Variants in RUNX1 observed in about 807,000 individuals in gnomAD.
The protein encoded by RUNX1 is runt-related transcription factor 1.
In RUNX1, 19 loss-of-function variants were observed where a neutral mutation model predicts 42.8. That is an observed-to-expected ratio of 0.44 (90% confidence interval 0.31 to 0.65). The LOEUF (loss-of-function observed/expected upper bound fraction) is 0.65. RUNX1 is among the 30% of genes least tolerant of loss of function. RUNX1 has a pLI of 0.07. For missense variants in RUNX1, 528 were observed against 672.0 expected (o/e 0.79, Z 2.37); for synonymous variants, 271 against 289.4 (o/e 0.94, Z 0.64).
chr21:34,803,699 T>A (rs1394007485), intron 7 of RUNX1, among the ~76,000 whole-genome samples: 1 of 152,206 alleles, frequency 6.6e-6, no homozygotes, highest in Non-Finnish European at 1.5e-5. Context: ...TTTTTAATCA[T>A]CAATAATGGG....
intron 2 of RUNX1, among the ~76,000 whole-genome samples, chr21:35,007,176 G>C (rs748557697): frequency 3.7e-4 from 57 of 152,218 alleles, no homozygotes; most frequent in Admixed American, 4.6e-4. Flanking sequence ...GCTATAGTGG[G>C]TTAAAAATAT....
At chr21:35,005,536 T>C (rs2059078165) in intron 2 of RUNX1, among the ~76,000 whole-genome samples, 1 of 152,158 alleles carries the variant, frequency 6.6e-6, no homozygotes, top group African/African-American at 2.4e-5. Flanking sequence ...TTTCCAGACA[T>C]ACTATATGAC....
At chr21:34,958,856 A>G (rs2058663753) in intron 2 of RUNX1, among the ~76,000 whole-genome samples, 1 of 152,094 alleles carries the variant, frequency 6.6e-6, no homozygotes, top group Non-Finnish European at 1.5e-5. Flanking sequence ...TACACCATGG[A>G]ATACTATGCA....
Position 34,792,233 on chromosome 21 carries a change from G to C in RUNX1, c.1345C>G (p.Gln449Glu). The part of the protein sequence containing the change: ...SALLNPSLPN[Q>E]SDVVEAEGSH... ...CCCTCGGCCTCCACCACGTCGCTCT[G>C]GTTCGGGAGGCTGGGGTTGAGCAGC... Residue 449 changes from glutamine (Q) to glutamate (E), a missense_variant, in exon 9 of 9, where the codon CAG (glutamine) becomes GAG (glutamate). Physicochemically the swap from Gln to Glu is conservative, Grantham distance 29. This residue lies in a region of RUNX1 where 331 missense variants were observed against 382.5 expected (regional missense o/e 0.87). Coordinates refer to ENST00000675419, the MANE Select transcript of RUNX1 (RefSeq NM_001754.5). The surrounding 1 kb of genome is among the most constrained non-coding windows in gnomAD (Gnocchi z 6.9). The C allele has an allele frequency of 6.5e-7, 1 of 1,540,766 alleles. No individual in the cohort carries two copies. The highest frequency in any genetic ancestry group is 2.4e-5 in the East Asian group (1 of 41,506).
At chr21:34,914,188 G>A (rs2146532390) in intron 2 of RUNX1, among the ~76,000 whole-genome samples, 1 of 152,322 alleles carries the variant, frequency 6.6e-6, no homozygotes, top group East Asian at 1.9e-4. Flanking sequence ...CCTGGCAGGA[G>A]CTGAGTTTGT....
chr21:34,847,265 A>G (rs2057330086), intron 6 of RUNX1, among the ~76,000 whole-genome samples: 1 of 152,240 alleles, frequency 6.6e-6, no homozygotes, highest in Non-Finnish European at 1.5e-5. Flanking sequence ...ATCTAGTTGT[A>G]GGTAGAGAAA....
intron 2 of RUNX1, among the ~76,000 whole-genome samples, chr21:34,942,469 C>T (rs185377399): frequency 1.1e-4 from 16 of 152,306 alleles, no homozygotes; most frequent in Middle Eastern, 6.8e-3. Flanking sequence ...CCTCCAGATG[C>T]CTTTCTTCCC....
At chr21:34,959,667 G>A (rs1293179912) in intron 2 of RUNX1, among the ~76,000 whole-genome samples, 1 of 152,218 alleles carries the variant, frequency 6.6e-6, no homozygotes, top group Admixed American at 6.5e-5. Flanking sequence ...TCCGGGTTGG[G>A]ATGAGTGGTG....
intron 2 of RUNX1, among the ~76,000 whole-genome samples, chr21:35,010,625 G>GCGCGCACA (rs376461042): frequency 3.2e-4 from 46 of 143,708 alleles, no homozygotes; most frequent in African/African-American, 1.2e-3. Context: ...ACACACACAC[G>GCGCGCACA]CACACACACA....
intron 7 of RUNX1, among the ~76,000 whole-genome samples, chr21:34,826,058 A>G (rs550137957): frequency 5.9e-5 from 9 of 152,214 alleles, no homozygotes; most frequent in Non-Finnish European, 1.3e-4. Flanking sequence ...GTTTTAAGCC[A>G]CCAAGTTTGT....
chr21:35,037,980 G>A (rs558377298), intron 2 of RUNX1, among the ~76,000 whole-genome samples: 35 of 151,100 alleles, frequency 2.3e-4, no homozygotes, highest in African/African-American at 6.3e-4. Context: ...TCGGGGCCAC[G>A]TTCTTGAGGT....
chr21:35,007,310 G>A (rs2059092382), intron 2 of RUNX1, among the ~76,000 whole-genome samples: 1 of 152,156 alleles, frequency 6.6e-6, no homozygotes, highest in Non-Finnish European at 1.5e-5. Flanking sequence ...CATGGGCAGT[G>A]GACATGTAGC....
intron 6 of RUNX1, among the ~76,000 whole-genome samples, chr21:34,851,654 A>G (rs2057420682): frequency 6.6e-6 from 1 of 152,132 alleles, no homozygotes; most frequent in Admixed American, 6.5e-5. Flanking sequence ...ATTAGTTTAG[A>G]TCCTGACCTC....
At chr21:35,044,917 G>A (rs1023768007) in intron 2 of RUNX1, among the ~76,000 whole-genome samples, 1 of 152,152 alleles carries the variant, frequency 6.6e-6, no homozygotes, top group Non-Finnish European at 1.5e-5. Context: ...GTTTCCAAAG[G>A]TGCTTCTGCT....
Position 34,852,584 on chromosome 21 carries a change from A to G in RUNX1, c.613+6890T>C, listed in dbSNP as rs546624611. 1.0e-3 allele frequency among the ~76,000 whole-genome samples: 153 copies of G among 152,236 alleles called. 1 individual carries two copies. Among genetic ancestry groups the G allele is most frequent in the Non-Finnish European group, 1.4e-3 (95 of 68,038 alleles). ...GAGGAGCTTAACACAGAAGGAATTAAAAGTACCAGGGGGAAGTTCCCCCAG... is the reference window on the plus strand; with the variant it reads ...GAGGAGCTTAACACAGAAGGAATTAGAAGTACCAGGGGGAAGTTCCCCCAG... On this transcript the variant is annotated intron_variant, in intron 6 of 8. Transcript: ENST00000675419.
At chr21:34,896,147 CAG>C (rs905315628) in intron 2 of RUNX1, among the ~76,000 whole-genome samples, 1 of 152,064 alleles carries the variant, frequency 6.6e-6, no homozygotes, top group Non-Finnish European at 1.5e-5. Flanking sequence ...GTGGGGAAAA[CAG>C]GAATTCTGGG....
intron 2 of RUNX1, among the ~76,000 whole-genome samples, chr21:34,908,053 T>C (rs1305019033): frequency 6.6e-6 from 1 of 152,160 alleles, no homozygotes; most frequent in Non-Finnish European, 1.5e-5. Context: ...GTTTTGCTAC[T>C]TCTTTAAAAA....
chr21:34,859,069 G>A (rs770974624), intron 6 of RUNX1, among the ~76,000 whole-genome samples: 8 of 152,118 alleles, frequency 5.3e-5, no homozygotes, highest in Non-Finnish European at 7.4e-5. Context: ...CAGCATAGAC[G>A]GTAATTACTC....
chr21:34,837,934 G>T (rs1165915276), intron 6 of RUNX1, among the ~76,000 whole-genome samples: 1 of 152,144 alleles, frequency 6.6e-6, no homozygotes, highest in Non-Finnish European at 1.5e-5. Context: ...GAAAGTACTT[G>T]CTTGGAATTT....
Sources: allele counts gnomAD v4.1 joint callset (sites outside exome capture counted in the v4.1 genomes callset), GRCh38; gene constraint gnomAD v4.1.1; regional missense constraint gnomAD v4.1.1; non-coding constraint Gnocchi (gnomAD v3.1); transcripts MANE v1.5; gene names NCBI Gene and HGNC (gene_info 2026-07-23, HGNC 2026-07-21).